Variants in ARMC2 observed in about 807,000 individuals in gnomAD.
The protein encoded by ARMC2 is armadillo repeat containing 2, also known as armadillo repeat-containing protein 2.
A neutral mutation model predicts 90.3 loss-of-function variants in ARMC2; 67 were observed. That is an observed-to-expected ratio of 0.74 (90% CI 0.61 to 0.91). The LOEUF is 0.91. Among genes scored for constraint, ARMC2 ranks in the 40% least tolerant of loss-of-function variants. The pLI, the probability that ARMC2 is intolerant of heterozygous loss-of-function variation, is 0.00. For synonymous variants in ARMC2, 393 were observed against 393.0 expected (o/e 1.00, Z 0.00); for missense variants, 920 against 1,030.9 (o/e 0.89, Z 1.47).
At chr6:108,964,775 G>T (rs1778248341) in intron 16 of ARMC2, among the ~76,000 whole-genome samples, 1 of 151,402 alleles carries the variant, frequency 6.6e-6, no homozygotes, top group African/African-American at 2.4e-5. Flanking sequence ...GGGCAACAGA[G>T]TGAGACTCTG....
intron 12 of ARMC2, among the ~76,000 whole-genome samples, chr6:108,941,946 C>G (rs991512966): frequency 4.6e-5 from 7 of 151,990 alleles, no homozygotes; most frequent in South Asian, 4.2e-4. Context: ...TCCTCAAAAC[C>G]AAAATATTTT....
the ARMC2 span, chr6:108,998,662 TG>T: frequency 6.2e-7 from 1 of 1,613,702 alleles, no homozygotes; most frequent in Non-Finnish European, 8.5e-7. Flanking sequence ...CAGCCGAATG[TG>T]AATGAGGCAA....
chr6:108,862,866 TCAGA>T, intron 3 of ARMC2, among the ~76,000 whole-genome samples: 1 of 152,238 alleles, frequency 6.6e-6, no homozygotes, highest in East Asian at 1.9e-4. Context: ...GAACAGGGAC[TCAGA>T]CAGCAGCCTT....
chr6:108,935,270 G>T (rs1381741114), intron 11 of ARMC2, among the ~76,000 whole-genome samples: 1 of 152,000 alleles, frequency 6.6e-6, no homozygotes, highest in Non-Finnish European at 1.5e-5. Context: ...TTTGCTTCCT[G>T]TCTTATTTCT....
At chr6:108,915,480 C>T (rs1562384806) in intron 10 of ARMC2, among the ~76,000 whole-genome samples, 1 of 152,110 alleles carries the variant, frequency 6.6e-6, no homozygotes, top group Non-Finnish European at 1.5e-5. Flanking sequence ...TATTACAGAA[C>T]TTCGCTTGCT....
At chr6:109,034,115 C>T in the ARMC2 span, among the ~76,000 whole-genome samples, 1 of 152,166 alleles carries the variant, frequency 6.6e-6, no homozygotes, top group Non-Finnish European at 1.5e-5. Flanking sequence ...TGGGACCTAC[C>T]TAGTAAGAGC....
chr6:108,906,929 A>G (rs1235995594), intron 8 of ARMC2, among the ~76,000 whole-genome samples: 3 of 152,228 alleles, frequency 2.0e-5, no homozygotes, highest in Admixed American at 6.5e-5. Flanking sequence ...AAAGCAGAGC[A>G]AAGGAAAGGG....
At chr6:108,999,572 A>G in the ARMC2 span, among the ~76,000 whole-genome samples, 4 of 152,164 alleles carry the variant, frequency 2.6e-5, no homozygotes, top group Non-Finnish European at 4.4e-5. Context: ...ATGCATAACA[A>G]TGAGATGCCA....
At chr6:108,984,396 C>A in the ARMC2 span, among the ~76,000 whole-genome samples, 1 of 152,140 alleles carries the variant, frequency 6.6e-6, no homozygotes, top group Non-Finnish European at 1.5e-5. Flanking sequence ...TGAGTGTTTT[C>A]TTCCTCACAG....
chr6:108,976,243 A>G (rs895312832), downstream of ARMC2, among the ~76,000 whole-genome samples: 1 of 152,156 alleles, frequency 6.6e-6, no homozygotes, highest in Admixed American at 6.5e-5. Context: ...TTTTCCCAAC[A>G]CCATTTATTA....
intron 12 of ARMC2, among the ~76,000 whole-genome samples, chr6:108,944,582 G>A (rs1776671261): frequency 1.3e-5 from 2 of 152,154 alleles, no homozygotes; most frequent in Non-Finnish European, 2.9e-5. Context: ...TGATTCATTT[G>A]TTAGTGAAAC....
rs201194523 is a variant in ARMC2 at position 108,868,803 on chromosome 6, T to C, written c.292-21T>C. On this transcript the variant is annotated intron_variant, in intron 3 of 17. Transcript: ENST00000392644. The stretch of plus-strand genomic sequence containing the variant: ...GAGACGCAGAAAGTCATTCCAGTTA[T>C]TTAAAAAAATCTCTTTCCAGAAACC... The C allele has an allele frequency of 4.0e-5, 64 of 1,610,558 alleles. No homozygotes were observed. In the Middle Eastern group the frequency reaches 5.0e-4, roughly 12 times the overall value.
intron 12 of ARMC2, among the ~76,000 whole-genome samples, chr6:108,940,535 T>C (rs1448124542): frequency 6.6e-6 from 1 of 152,038 alleles, no homozygotes; most frequent in Non-Finnish European, 1.5e-5. Flanking sequence ...CAAATGGTGT[T>C]TTTGCTTGGC....
chr6:108,875,347 C>G (rs1166326779), intron 4 of ARMC2, among the ~76,000 whole-genome samples: 1 of 152,008 alleles, frequency 6.6e-6, no homozygotes, highest in Non-Finnish European at 1.5e-5. Flanking sequence ...CACAATCCAC[C>G]CCTCACCCCT....
the ARMC2 span, among the ~76,000 whole-genome samples, chr6:109,012,912 G>C: frequency 6.6e-6 from 1 of 151,924 alleles, no homozygotes; most frequent in Non-Finnish European, 1.5e-5. Context: ...TCAGGAGCTC[G>C]AAACCATCCT....
At chr6:108,902,230 T>C (rs1331708317) in intron 7 of ARMC2, among the ~76,000 whole-genome samples, 1 of 152,262 alleles carries the variant, frequency 6.6e-6, no homozygotes, top group East Asian at 1.9e-4. Flanking sequence ...ATTCAAGTTG[T>C]CTTTTGAAGC....
intron 1 of ARMC2, among the ~76,000 whole-genome samples, chr6:108,853,880 C>T (rs1427903171): frequency 3.9e-5 from 6 of 152,098 alleles, no homozygotes; most frequent in Non-Finnish European, 5.9e-5. Context: ...GAAAAGGAAA[C>T]TGTAAACATT....
chr6:108,963,986 A>G (rs2273669), intron 15 of ARMC2, among the ~76,000 whole-genome samples, 194 bp from the exon 16 acceptor site: 28,899 of 152,116 alleles, frequency 0.19, 3,314 homozygotes, highest in African/African-American at 0.32. Context: ...TGGGGGAGCC[A>G]ACTCTGGGAG....
At chr6:108,960,270 G>C (rs1777895855) in intron 13 of ARMC2, among the ~76,000 whole-genome samples, 1 of 152,178 alleles carries the variant, frequency 6.6e-6, no homozygotes, top group Non-Finnish European at 1.5e-5. Flanking sequence ...GCCAAGCACA[G>C]TCTCCACTCC....
Sources: gnomAD v4.1 joint callset for allele counts (sites outside exome capture counted in the v4.1 genomes callset) on GRCh38, gnomAD v4.1.1 for gene constraint, MANE v1.5 for transcripts, NCBI Gene and HGNC (gene_info 2026-07-23, HGNC 2026-07-21) for gene names.